Variants in EIF2B2 observed in about 807,000 individuals in gnomAD.
EIF2B2 encodes the protein eukaryotic translation initiation factor 2B subunit beta.
A neutral mutation model predicts 34.7 loss-of-function variants in EIF2B2; 34 were observed. The ratio of observed to expected loss-of-function variants is 0.98; its 90% CI spans 0.75 to 1.31. EIF2B2 has a LOEUF of 1.31. Ranked by LOEUF, EIF2B2 falls within the 50% of genes most tolerant of loss-of-function variation. EIF2B2 has a pLI of 0.00. For missense variants in EIF2B2, 361 were observed against 447.7 expected (o/e 0.81, Z 1.75); for synonymous variants, 155 against 171.6 (o/e 0.90, Z 0.76).
In EIF2B2 at chr14:75,003,743, C is replaced by A. The variant is rs175041; in HGVS notation, c.433+44C>A. 1,608,954 of 1,613,440 alleles carry A rather than the reference C, an allele frequency of 1. 802,330 individuals are homozygous for A. The highest frequency in any genetic ancestry group is 1 in the East Asian group (44,873 of 44,874). On this transcript the variant is annotated intron_variant, in intron 3 of 7. Coordinates refer to ENST00000266126, the MANE Select transcript of EIF2B2 (RefSeq NM_014239.4). ...GGGAAAATGGGACTGGTCACAGGCACATAAGGGAACAGAAGCCTCTGAAGG... is the reference window on the plus strand; with the variant it reads ...GGGAAAATGGGACTGGTCACAGGCAAATAAGGGAACAGAAGCCTCTGAAGG...
rs1889633276 is a variant in EIF2B2 at position 75,006,834 on chromosome 14, TGG to T, written c.831+121_831+122del. On this transcript the variant is annotated intron_variant, in intron 6 of 7. Transcript: ENST00000266126. The surrounding 1 kb of genome is among the most constrained non-coding windows in gnomAD (Gnocchi z 4.1). ...CCTCCATTTATCTGCATTTACTCAATGGATTACACCCAGTGGAGGCTGGAAAG... is the reference window on the plus strand; with the variant it reads ...CCTCCATTTATCTGCATTTACTCAATATTACACCCAGTGGAGGCTGGAAAG... 1.4e-6 allele frequency: 2 copies of T among 1,402,506 alleles called. No homozygotes were observed. Among genetic ancestry groups the T allele is most frequent in the African/African-American group, 2.8e-5 (2 of 70,630 alleles). The allele number at this position is 1,402,506 out of a possible 1,614,324, so 86.9% of individuals were successfully genotyped here.
At position 75,010,440 on chromosome 14, in the gene EIF2B2, A is replaced by C. The variant is rs907196719; in HGVS notation, c.*1252A>C. 1.4e-4 allele frequency: 21 copies of C among 152,242 alleles called. No individual in the cohort carries two copies. The highest frequency in any genetic ancestry group is 5.1e-4 in the African/African-American group (21 of 41,460). 9.4% of individuals were successfully genotyped at this position (152,242 alleles called of 1,614,324 possible). On this transcript the variant is annotated 3_prime_UTR_variant, in exon 8 of 8. Coordinates refer to ENST00000266126, the MANE Select transcript of EIF2B2 (RefSeq NM_014239.4). ...ACAGTTACACCGTGGAACATTATACATGGCAATAGAAGTTTCAAAAGGATG... is the reference window on the plus strand; with the variant it reads ...ACAGTTACACCGTGGAACATTATACCTGGCAATAGAAGTTTCAAAAGGATG...
At position 75,009,115 on chromosome 14, in the gene EIF2B2, T is replaced by C; in HGVS notation, c.983T>C (p.Ile328Thr). ...CTCATTACCCTCTTTATCTCCAACA[T>C]TGGTGGGAATGCACCTTCCTACATC... ...PELITLFISN[I>T]GGNAPSYIYR... The change falls in exon 8 of 8, where the codon ATT (isoleucine) becomes ACT (threonine). Residue 328 changes from isoleucine to threonine, a missense_variant. Coordinates refer to ENST00000266126, the MANE Select transcript of EIF2B2 (RefSeq NM_014239.4). The C allele has an allele frequency of 6.2e-7, 1 of 1,614,128 alleles. No individual in the cohort carries two copies. Among genetic ancestry groups the C allele is most frequent in the South Asian group, 1.1e-5 (1 of 91,076 alleles).
chr14:75,003,845 T>G (rs1889580376), intron 3 of EIF2B2, 146 bp downstream of exon 3: 1 of 1,260,288 alleles, frequency 7.9e-7, no homozygotes, highest in Non-Finnish European at 1.1e-6. Context: ...TTAGGAAATG[T>G]TGCAACAGGT....
Position 75,009,222 on chromosome 14 carries a change from C to G in EIF2B2, c.*34C>G. 1 of 1,611,804 alleles carries G rather than the reference C, an allele frequency of 6.2e-7. No homozygotes were observed. Among genetic ancestry groups the G allele is most frequent in the Non-Finnish European group, 8.5e-7 (1 of 1,178,236 alleles). Reference sequence around the variant, plus strand: ...ACGTGTCCTAAGCAGATTGCTTAGGCAGATACAGAATGAAGAGGAGACTTG... The same window carrying G: ...ACGTGTCCTAAGCAGATTGCTTAGGGAGATACAGAATGAAGAGGAGACTTG... On this transcript the variant is annotated 3_prime_UTR_variant, in exon 8 of 8. Coordinates refer to ENST00000266126, the MANE Select transcript of EIF2B2 (RefSeq NM_014239.4).
At chr14:75,003,495 T>A in intron 2 of EIF2B2, 56 bp from the exon 3 acceptor site, 1 of 1,614,078 alleles carries the variant, frequency 6.2e-7, no homozygotes, top group South Asian at 1.1e-5. Flanking sequence ...ACAGCCCTTG[T>A]TACCTGCCTG....
chr14:75,008,265 C>T (rs9646134), intron 7 of EIF2B2: 211 of 208,910 alleles, frequency 1.0e-3, no homozygotes, highest in Non-Finnish European at 1.9e-3. Flanking sequence ...CAGCTCAGCT[C>T]ATTACGCGTG....
chr14:75,006,597 C>T lies in EIF2B2; in HGVS notation c.714C>T (p.Thr238=), dbSNP rs748270202. 3.3e-5 allele frequency: 53 copies of T among 1,614,018 alleles called. No individual in the cohort carries two copies. The highest frequency in any genetic ancestry group is 5.0e-5 in the Admixed American group (3 of 60,010). The part of the protein sequence containing the change: ...RVNKVIIGTK[T]ILANGALRAV... ...CAAAGGTGATCATTGGCACGAAGAC[C>T]ATCCTGGCCAATGGGGCCCTGAGAG... Residue 238 remains threonine, a synonymous_variant, in exon 6 of 8, where the codon ACC becomes ACT. Coordinates refer to ENST00000266126, the MANE Select transcript of EIF2B2 (RefSeq NM_014239.4). This position sits in a 1 kb window ranked among gnomAD's most constrained non-coding sequence, Gnocchi z 4.1.
intron 3 of EIF2B2, among the ~76,000 whole-genome samples, chr14:75,003,955 A>G (rs962603942): frequency 2.6e-5 from 4 of 152,156 alleles, no homozygotes; most frequent in Admixed American, 2.0e-4. Context: ...ACAGAGTTTT[A>G]TTTTCATTGT....
At position 75,003,024 on chromosome 14, in the gene EIF2B2, T is replaced by C. The variant is rs1356657099; in HGVS notation, c.34T>C (p.Ser12Pro). The part of the protein sequence containing the change: ...PGSAAKGSEL[S>P]ERIESFVETL... ...ATCCGCAGCGAAGGGCTCGGAGTTG[T>C]CAGAGAGGATCGAGAGCTTCGTGGA... is the stretch of plus-strand genomic sequence containing the variant. Residue 12 changes from serine (S) to proline (P), a missense_variant, in exon 1 of 8, where the codon TCA becomes CCA. By Grantham distance (74) the Ser-to-Pro change is moderately conservative. Transcript: ENST00000266126. The C allele has an allele frequency of 1.2e-6, 2 of 1,613,964 alleles. No individual in the cohort carries two copies. The highest frequency in any genetic ancestry group is 1.7e-6 in the Non-Finnish European group (2 of 1,180,022).
At chr14:75,005,081 G>A in intron 4 of EIF2B2, 181 bp downstream of exon 4, 1 of 682,362 alleles carries the variant, frequency 1.5e-6, no homozygotes, top group Non-Finnish European at 2.5e-6. Context: ...ATAAATAGTG[G>A]TTTAAGAAAG....
intron 2 of EIF2B2, 24 bp downstream of exon 2, chr14:75,003,419 T>A: frequency 1.2e-6 from 2 of 1,613,870 alleles, no homozygotes; most frequent in Non-Finnish European, 1.7e-6. Flanking sequence ...CCTGGGCTCC[T>A]GGTTGGATCC....
At chr14:75,004,312 C>T (rs1191877975) in intron 3 of EIF2B2, among the ~76,000 whole-genome samples, 1 of 152,120 alleles carries the variant, frequency 6.6e-6, no homozygotes, top group Admixed American at 6.6e-5. Flanking sequence ...TTGTAAGGAG[C>T]TCTGTAGTGA....
chr14:75,011,545 A>G lies in EIF2B2; in HGVS notation c.*2357A>G, dbSNP rs1171923125. 6.6e-6 allele frequency: 1 copy of G among 152,198 alleles called. No individual in the cohort carries two copies. Among genetic ancestry groups the G allele is most frequent in the Non-Finnish European group, 1.5e-5 (1 of 68,044 alleles). The allele number at this position is 152,198 out of a possible 1,614,324, so 9.4% of individuals were successfully genotyped here. A position where few individuals can be genotyped will look rare whatever the true frequency, so the allele number is the denominator to read the frequency against. ...CTGAGGGAAAGGTCTCTATTCTTTG[A>G]TATCTCTTTGAGAGCGATCTTTGCC... On this transcript the variant is annotated 3_prime_UTR_variant, in exon 8 of 8. Transcript: ENST00000266126.
At chr14:75,007,154 T>C in intron 6 of EIF2B2, 1 of 445,872 alleles carries the variant, frequency 2.2e-6, no homozygotes, top group East Asian at 7.0e-5. Context: ...CATCAACCTA[T>C]TTATAGGTCT....
rs755436800 is a variant in EIF2B2, at chr14:75,004,871, AT to A, written c.570del (p.Ile190MetfsTer2). 28 of 1,612,774 alleles carry A rather than the reference AT, an allele frequency of 1.7e-5. No homozygotes were observed. The highest frequency in any genetic ancestry group is 2.2e-5 in the Non-Finnish European group (26 of 1,179,560). On this transcript the variant is annotated frameshift_variant, in exon 4 of 8. Transcript: ENST00000266126. LOFTEE classifies it high-confidence loss of function. ...EAARKRKFHV[I>X]VAECAPFCQG... ...TGCCCGAAAGAGGAAATTCCATGTC[AT>A]TGTAGCAGAGTGTGCTCCTTTCTGC...
chr14:75,005,021 T>A, intron 4 of EIF2B2, 121 bp downstream of exon 4: 1 of 1,026,140 alleles, frequency 9.7e-7, no homozygotes, highest in Middle Eastern at 2.9e-4. Flanking sequence ...ACTGAGAAGA[T>A]CAAGTAAAAC....
intron 4 of EIF2B2, among the ~76,000 whole-genome samples, chr14:75,005,355 C>T (rs368991757): frequency 6.0e-4 from 90 of 149,686 alleles, no homozygotes; most frequent in Middle Eastern, 3.5e-3. Flanking sequence ...CCAGCCTGGA[C>T]GACAGAGCAA....
At chr14:75,005,308 C>G (rs1889611019) in intron 4 of EIF2B2, among the ~76,000 whole-genome samples, 1 of 151,248 alleles carries the variant, frequency 6.6e-6, no homozygotes, top group Non-Finnish European at 1.5e-5. Flanking sequence ...ACCTGGAAGG[C>G]AGAGGTTGCA....
Sources: gnomAD v4.1 joint callset for allele counts (sites outside exome capture counted in the v4.1 genomes callset) on GRCh38, gnomAD v4.1.1 for gene constraint, Gnocchi (gnomAD v3.1) non-coding constraint, MANE v1.5 for transcripts, NCBI Gene and HGNC (gene_info 2026-07-23, HGNC 2026-07-21) for gene names.